Variants in SAMSN1 observed in about 807,000 individuals in gnomAD.
SAMSN1 encodes SAM domain, SH3 domain and nuclear localization signals 1.
Under a neutral mutation model 42.0 loss-of-function variants are expected in SAMSN1, and 31 were observed. The observed-to-expected ratio is 0.74, with a 90% confidence interval of 0.55 to 1.00. The LOEUF is 1.00. Among genes scored for constraint, SAMSN1 ranks in the 50% least tolerant of loss-of-function variants. The pLI is 0.00. For missense variants in SAMSN1, 464 were observed against 439.4 expected (o/e 1.06, Z -0.50); for synonymous variants, 178 against 151.9 (o/e 1.17, Z -1.26).
At chr21:14,633,758 G>T (rs1477979508) in intron 2 of SAMSN1, among the ~76,000 whole-genome samples, 1 of 152,168 alleles carries the variant, frequency 6.6e-6, no homozygotes, top group Non-Finnish European at 1.5e-5. Flanking sequence ...GCATATCCAA[G>T]TCAGCTATCT....
chr21:14,583,873 G>A (rs758796238), upstream of SAMSN1: 14 of 614,494 alleles, frequency 2.3e-5, no homozygotes, highest in Non-Finnish European at 3.8e-5. Context: ...AATTAATAAT[G>A]TGACCTTAAA....
Position 14,521,032 on chromosome 21 carries a change from G to A in SAMSN1, c.129+118C>T. On this transcript the variant is annotated intron_variant, in intron 2 of 7. Transcript: ENST00000400566. ...TCATTTATCACAAAAACATATGCAA[G>A]GCTATAATTTTAAAATGTATTCATT... 2 of 671,352 alleles carry A rather than the reference G, an allele frequency of 3.0e-6. 1 individual carries two copies. Among genetic ancestry groups the A allele is most frequent in the South Asian group, 4.0e-5 (2 of 49,988 alleles). The allele number at this position is 671,352 out of a possible 1,614,324, so 41.6% of individuals were successfully genotyped here. A position where few individuals can be genotyped will look rare whatever the true frequency, so the allele number is the denominator to read the frequency against.
intron 6 of SAMSN1, 53 bp downstream of exon 6, chr21:14,500,476 C>A (rs777665468): frequency 1.4e-6 from 2 of 1,456,140 alleles, no homozygotes; most frequent in Non-Finnish European, 1.9e-6. Flanking sequence ...CCACTCCCTT[C>A]GGTGTTTCCA....
intron 2 of SAMSN1, among the ~76,000 whole-genome samples, chr21:14,553,309 ACTGT>A (rs1288684651): frequency 1.3e-5 from 2 of 152,104 alleles, no homozygotes; most frequent in Admixed American, 6.6e-5. Flanking sequence ...GGAATTAATA[ACTGT>A]CTTTCTTTTT....
At chr21:14,498,636 T>C (rs1987008115) in intron 6 of SAMSN1, 44 bp from the exon 7 acceptor site, 1 of 1,458,404 alleles carries the variant, frequency 6.9e-7, no homozygotes, top group Admixed American at 2.5e-5. Flanking sequence ...GATTCAAATA[T>C]TTTATTTTTA....
chr21:14,577,236 GTGTATATATATATATA>G lies in SAMSN1; in HGVS notation c.261+4884_261+4899del, dbSNP rs1284603504. The stretch of plus-strand genomic sequence containing the variant: ...ATGGTGGGCTAATTTATATATATGT[GTGTATATATATATATA>G]TATATATATATATATATATATATAT... On this transcript the variant is annotated intron_variant, in intron 2 of 8. Transcript: ENST00000285670. Among the ~76,000 whole-genome samples the G allele has an allele frequency of 1.1e-3, 34 of 30,856 alleles. 2 individuals are homozygous for G. The highest frequency in any genetic ancestry group is 5.3e-3 in the Admixed American group (12 of 2,276). The allele number at this position is 30,856 out of a possible 152,430, so 20.2% of individuals were successfully genotyped here. A position where few individuals can be genotyped will look rare whatever the true frequency, so the allele number is the denominator to read the frequency against.
chr21:14,598,762 T>C (rs951415116), intron 6 of SAMSN1, among the ~76,000 whole-genome samples: 4 of 152,204 alleles, frequency 2.6e-5, no homozygotes, highest in Non-Finnish European at 4.4e-5. Flanking sequence ...TGATCATTTT[T>C]AGTGTCTGAA....
chr21:14,636,259 T>C (rs1304295810), intron 2 of SAMSN1, among the ~76,000 whole-genome samples: 1 of 152,182 alleles, frequency 6.6e-6, no homozygotes, highest in Non-Finnish European at 1.5e-5. Flanking sequence ...ACATGTATTA[T>C]AAGGTTGGGT....
At chr21:14,529,824 T>C (rs1979125404) in intron 1 of SAMSN1, among the ~76,000 whole-genome samples, 1 of 152,210 alleles carries the variant, frequency 6.6e-6, no homozygotes, top group Non-Finnish European at 1.5e-5. Context: ...TTGTATTGAC[T>C]ACTTAGTACC....
upstream of SAMSN1, chr21:14,546,485 GGT>G: frequency 1.8e-6 from 1 of 541,722 alleles, no homozygotes; most frequent in Non-Finnish European, 2.9e-6. Flanking sequence ...TTTTCTATGA[GGT>G]ATGTTCCAAA....
At chr21:14,650,745 T>A (rs1230968352) in intron 1 of SAMSN1, among the ~76,000 whole-genome samples, 2 of 151,480 alleles carry the variant, frequency 1.3e-5, no homozygotes, top group East Asian at 3.9e-4. Context: ...ACAAAAAAGG[T>A]TGTTTTTTGA....
intron 1 of SAMSN1, 90 bp downstream of exon 1, chr21:14,546,115 T>G: frequency 3.5e-6 from 4 of 1,148,402 alleles, no homozygotes; most frequent in Admixed American, 2.0e-5. Context: ...GACTGACAGA[T>G]GAGAACATTG....
intron 2 of SAMSN1, among the ~76,000 whole-genome samples, chr21:14,520,056 T>C (rs1978352624): frequency 6.6e-6 from 1 of 152,242 alleles, no homozygotes; most frequent in Non-Finnish European, 1.5e-5. Context: ...AGTTCCTATG[T>C]TATAAATAGG....
At chr21:14,653,530 G>A (rs1346105313) in intron 1 of SAMSN1, among the ~76,000 whole-genome samples, 1 of 151,882 alleles carries the variant, frequency 6.6e-6, no homozygotes, top group Admixed American at 6.6e-5. Flanking sequence ...AGGAAGCTGG[G>A]GATGGTTAAT....
rs375011118 is a variant in SAMSN1 at position 14,594,230 on chromosome 21, A to C, written c.400-152T>G. ...TCTTGTTATCAAAGTACACTGATTAATGTTTCATCAGTGACTTCATCTGCA... is the reference window on the plus strand; with the variant it reads ...TCTTGTTATCAAAGTACACTGATTACTGTTTCATCAGTGACTTCATCTGCA... On this transcript the variant is annotated intron_variant, in intron 6 of 15. Transcript: ENST00000647101. 3.0e-4 allele frequency among the ~76,000 whole-genome samples: 45 copies of C among 152,314 alleles called. No homozygotes were observed. The South Asian group carries it at 7.7e-3, about 26-fold the overall frequency.
At chr21:14,552,323 G>A (rs756188427) in intron 2 of SAMSN1, among the ~76,000 whole-genome samples, 1 of 152,096 alleles carries the variant, frequency 6.6e-6, no homozygotes, top group Non-Finnish European at 1.5e-5. Context: ...TTTCTATGAA[G>A]TTCCTTGGTC....
At chr21:14,502,076 T>C (rs1987184979) in intron 5 of SAMSN1, among the ~76,000 whole-genome samples, 1 of 152,222 alleles carries the variant, frequency 6.6e-6, no homozygotes, top group African/African-American at 2.4e-5. Flanking sequence ...TTTTTAAGTG[T>C]CTATCCTCAA....
upstream of SAMSN1, among the ~76,000 whole-genome samples, chr21:14,546,621 C>T (rs139986388): frequency 5.5e-4 from 82 of 150,114 alleles, no homozygotes; most frequent in Admixed American, 1.1e-3. Context: ...AAGAAAAAAT[C>T]GGAGCCAATA....
intron 6 of SAMSN1, among the ~76,000 whole-genome samples, chr21:14,599,324 T>C (rs990699243): frequency 3.3e-5 from 5 of 152,176 alleles, no homozygotes; most frequent in African/African-American, 1.2e-4. Flanking sequence ...TGAGATCTGA[T>C]GGTTTTATAA....
Sources: allele counts gnomAD v4.1 joint callset (sites outside exome capture counted in the v4.1 genomes callset), GRCh38; gene constraint gnomAD v4.1.1; transcripts MANE v1.5; gene names NCBI Gene and HGNC (gene_info 2026-07-23, HGNC 2026-07-21).